The following LRMDA variants were observed in gnomAD, a reference collection of about 807,000 sequenced individuals.
LRMDA encodes leucine-rich melanocyte differentiation-associated protein.
LRMDA carries 18 observed loss-of-function variants against 29.8 expected under a neutral mutation model. The ratio of observed to expected loss-of-function variants is 0.60; its 90% CI spans 0.42 to 0.90. The LOEUF is 0.90. LRMDA is among the 40% of genes least tolerant of loss of function. The pLI is 0.00. For missense variants in LRMDA, 273 were observed against 273.9 expected (o/e 1.00, Z 0.02); for synonymous variants, 125 against 109.4 (o/e 1.14, Z -0.89).
At chr10:75,689,661 A>G (rs1842121232) in intron 2 of LRMDA, among the ~76,000 whole-genome samples, 2 of 152,228 alleles carry the variant, frequency 1.3e-5, no homozygotes, top group Admixed American at 1.3e-4. Context: ...CTGAGTATGC[A>G]ACTCACACCA....
intron 6 of LRMDA, among the ~76,000 whole-genome samples, chr10:76,422,530 C>T (rs1057056441): frequency 6.6e-6 from 1 of 152,166 alleles, no homozygotes; most frequent in African/African-American, 2.4e-5. Context: ...ATGCTCTCCT[C>T]AGTCTGTCTA....
chr10:75,505,120 G>T (rs1463311335), intron 2 of LRMDA, among the ~76,000 whole-genome samples: 9 of 152,156 alleles, frequency 5.9e-5, no homozygotes, highest in Non-Finnish European at 4.4e-5. Context: ...AATAAGGGTT[G>T]TTTTAGTTAT....
chr10:76,454,191 A>G (rs919271257), intron 6 of LRMDA, among the ~76,000 whole-genome samples: 1 of 152,326 alleles, frequency 6.6e-6, no homozygotes, highest in Middle Eastern at 3.4e-3. Flanking sequence ...TGGTACACAT[A>G]AATAGTTCTT....
chr10:76,486,698 G>C (rs1221771822), intron 6 of LRMDA, among the ~76,000 whole-genome samples: 2 of 151,878 alleles, frequency 1.3e-5, no homozygotes, highest in African/African-American at 4.8e-5. Context: ...TTTTAAAAAA[G>C]AGAAAACTGA....
chr10:76,068,935 T>C (rs185548621), intron 5 of LRMDA, among the ~76,000 whole-genome samples: 269 of 152,354 alleles, frequency 1.8e-3, no homozygotes, highest in African/African-American at 6.3e-3. Context: ...GAGGGGCTTC[T>C]CATTTCAAAA....
intron 2 of LRMDA, among the ~76,000 whole-genome samples, chr10:75,788,002 C>G (rs1205626975): frequency 6.6e-6 from 1 of 151,908 alleles, no homozygotes; most frequent in African/African-American, 2.4e-5. Context: ...GCACTCCAGC[C>G]TGGGCGACAG....
chr10:76,149,274 T>C (rs1314943881), intron 5 of LRMDA, among the ~76,000 whole-genome samples: 1 of 152,178 alleles, frequency 6.6e-6, no homozygotes, highest in African/African-American at 2.4e-5. Flanking sequence ...AAGGAGTGAT[T>C]AGGATGTGCT....
At chr10:76,133,773 G>A (rs989614208) in intron 5 of LRMDA, among the ~76,000 whole-genome samples, 4 of 152,032 alleles carry the variant, frequency 2.6e-5, no homozygotes, top group Admixed American at 2.6e-4. Context: ...TTTGTCAACC[G>A]CTCATCATTT....
chr10:76,206,215 C>T (rs1001816087), intron 5 of LRMDA, among the ~76,000 whole-genome samples: 1 of 152,140 alleles, frequency 6.6e-6, no homozygotes, highest in African/African-American at 2.4e-5. Flanking sequence ...TCCACCCTGA[C>T]CCTCTCACTG....
intron 2 of LRMDA, among the ~76,000 whole-genome samples, chr10:75,672,422 C>T (rs1190233669): frequency 1.3e-5 from 2 of 151,178 alleles, no homozygotes; most frequent in East Asian, 2.0e-4. Context: ...CTGGTTTTCT[C>T]GTTCAAGATA....
intron 2 of LRMDA, among the ~76,000 whole-genome samples, chr10:75,793,938 T>C (rs1843609785): frequency 1.3e-5 from 2 of 152,206 alleles, no homozygotes; most frequent in East Asian, 3.9e-4. Flanking sequence ...GCAGTCTCTG[T>C]CACAACTCCT....
At chr10:75,996,013 C>T (rs1016486219) in intron 2 of LRMDA, among the ~76,000 whole-genome samples, 1 of 152,180 alleles carries the variant, frequency 6.6e-6, no homozygotes, top group Admixed American at 6.5e-5. Flanking sequence ...AAAGCCTAAC[C>T]TCTCCAAACT....
intron 5 of LRMDA, among the ~76,000 whole-genome samples, chr10:76,268,311 A>G (rs1488726474): frequency 6.6e-6 from 1 of 152,180 alleles, no homozygotes; most frequent in Non-Finnish European, 1.5e-5. Context: ...AGCAGGTTGA[A>G]GTAGATCATC....
chr10:75,533,021 G>A (rs1326200834), intron 2 of LRMDA, among the ~76,000 whole-genome samples: 8 of 152,146 alleles, frequency 5.3e-5, no homozygotes, highest in Non-Finnish European at 1.0e-4. Flanking sequence ...ACACAGCCAC[G>A]TTTGTGGAGT....
At chr10:75,543,237 G>A (rs1050302692) in intron 2 of LRMDA, among the ~76,000 whole-genome samples, 2 of 152,152 alleles carry the variant, frequency 1.3e-5, no homozygotes, top group Admixed American at 1.3e-4. Context: ...ATGAGGCCAT[G>A]GGTCCCTCCC....
chr10:75,946,930 T>C (rs895395787), intron 2 of LRMDA, among the ~76,000 whole-genome samples: 6 of 152,094 alleles, frequency 3.9e-5, no homozygotes, highest in Admixed American at 6.5e-5. Context: ...CACCTTCACG[T>C]CACATAGGAG....
chr10:75,939,180 C>T (rs2132407989), intron 2 of LRMDA, among the ~76,000 whole-genome samples: 1 of 152,192 alleles, frequency 6.6e-6, no homozygotes, highest in East Asian at 1.9e-4. Flanking sequence ...GGTGAGGGGC[C>T]CTGGACCTGT....
chr10:76,552,454 C>T (rs1843507947), intron 6 of LRMDA, among the ~76,000 whole-genome samples: 1 of 152,236 alleles, frequency 6.6e-6, no homozygotes, highest in African/African-American at 2.4e-5. Flanking sequence ...GGATGGGTTT[C>T]AAGGGCTGAC....
Position 75,440,641 on chromosome 10 carries a change from G to A in LRMDA, c.131+2147G>A, listed in dbSNP as rs562271866. Among the ~76,000 whole-genome samples, 4 of 152,302 alleles carry A rather than the reference G, an allele frequency of 2.6e-5. No homozygotes were observed. In the East Asian group the frequency reaches 7.7e-4, roughly 29 times the overall value. On this transcript the variant is annotated intron_variant, in intron 2 of 6. Coordinates refer to ENST00000611255, the MANE Select transcript of LRMDA (RefSeq NM_001305581.2). ...GCAACACTATTTCTCTTGGGTGTTA[G>A]AAGAAGATTCGAGCTTATTTGGGCA... is the stretch of plus-strand genomic sequence containing the variant.
Sources: allele counts gnomAD v4.1 joint callset (sites outside exome capture counted in the v4.1 genomes callset), GRCh38; gene constraint gnomAD v4.1.1; transcripts MANE v1.5; gene names NCBI Gene and HGNC (gene_info 2026-07-23, HGNC 2026-07-21).